Variants in KDM4C observed in about 807,000 individuals in gnomAD.
The protein encoded by KDM4C is lysine demethylase 4C, also known as lysine-specific demethylase 4C.
Under a neutral mutation model 129.3 loss-of-function variants are expected in KDM4C, and 81 were observed. That is an observed-to-expected ratio of 0.63 (90% CI 0.52 to 0.75). KDM4C has a LOEUF of 0.75. Among genes scored for constraint, KDM4C ranks in the 30% least tolerant of loss-of-function variants. The probability of loss-of-function intolerance (pLI) is 0.00; values close to 1 mark genes in which losing one functional copy is unlikely to be tolerated. For synonymous variants in KDM4C, 573 were observed against 456.1 expected, an observed-to-expected ratio of 1.26 and a Z score of -3.26; for missense variants, 1,457 against 1,304.0, an observed-to-expected ratio of 1.12 and a Z score of -1.81.
At chr9:7,014,959 A>ACC (rs1823397522) in intron 14 of KDM4C, among the ~76,000 whole-genome samples, 1 of 143,398 alleles carries the variant, frequency 7.0e-6, no homozygotes. Flanking sequence ...CACACCTTAC[A>ACC]TTATTATGTG....
At chr9:6,923,421 G>T (rs1422858083) in intron 8 of KDM4C, among the ~76,000 whole-genome samples, 1 of 152,032 alleles carries the variant, frequency 6.6e-6, no homozygotes, top group South Asian at 2.1e-4. Context: ...GCTATCTTAT[G>T]AGCGCAGCTT....
In KDM4C at chr9:6,748,523, A is replaced by AG. The variant is rs375273711; in HGVS notation, c.49+27526_49+27527insG. ...ACTCCGTCTCAGAAAAAAAAAAAAA[A>AG]AGATTTATTATTATTATTAGTATTA... On this transcript the variant is annotated intron_variant, in intron 1 of 17. Transcript: ENST00000536108. 2.4e-3 allele frequency among the ~76,000 whole-genome samples: 362 copies of AG among 151,104 alleles called. 2 individuals carry two copies. The highest frequency in any genetic ancestry group is 0.015 in the South Asian group (73 of 4,808).
intron 18 of KDM4C, among the ~76,000 whole-genome samples, chr9:7,127,192 C>T (rs927935346): frequency 2.0e-5 from 3 of 152,100 alleles, no homozygotes; most frequent in Non-Finnish European, 2.9e-5. Flanking sequence ...AGATTATGCA[C>T]AAAACTCAAC....
intron 1 of KDM4C, among the ~76,000 whole-genome samples, chr9:6,749,718 G>C (rs1818006664): frequency 6.6e-6 from 1 of 152,044 alleles, no homozygotes; most frequent in South Asian, 2.1e-4. Flanking sequence ...TGGGCGCAGT[G>C]GCTCATGCCT....
intron 1 of KDM4C, among the ~76,000 whole-genome samples, chr9:6,746,056 T>C (rs924815497): frequency 6.6e-6 from 1 of 152,008 alleles, no homozygotes; most frequent in Non-Finnish European, 1.5e-5. Context: ...TCCGCCTGCC[T>C]CAGCCTCCCA....
intron 17 of KDM4C, among the ~76,000 whole-genome samples, chr9:7,065,237 CCTT>C (rs1832261418): frequency 6.6e-6 from 1 of 151,972 alleles, no homozygotes; most frequent in African/African-American, 2.4e-5. Flanking sequence ...AATGAAACTT[CCTT>C]AAAACAAAAT....
chr9:7,107,500 C>G (rs1489169211), intron 18 of KDM4C, among the ~76,000 whole-genome samples: 1 of 152,164 alleles, frequency 6.6e-6, no homozygotes, highest in Non-Finnish European at 1.5e-5. Flanking sequence ...TGGCAAGTTA[C>G]TTAGTAAACT....
chr9:6,931,467 G>C (rs1350904006), intron 8 of KDM4C, among the ~76,000 whole-genome samples: 1 of 151,884 alleles, frequency 6.6e-6, no homozygotes, highest in Non-Finnish European at 1.5e-5. Flanking sequence ...GTTTTGTTGG[G>C]TCTGTGGATG....
chr9:6,864,663 T>A (rs549747755), intron 5 of KDM4C, among the ~76,000 whole-genome samples: 2 of 151,898 alleles, frequency 1.3e-5, no homozygotes, highest in East Asian at 3.9e-4. Context: ...ATTTTATTTA[T>A]TTATCTTTTT....
intron 13 of KDM4C, among the ~76,000 whole-genome samples, chr9:7,012,143 C>T (rs887106181): frequency 2.0e-5 from 3 of 152,148 alleles, no homozygotes; most frequent in South Asian, 4.1e-4. Flanking sequence ...ATCATGACTC[C>T]GTGCAGGCTT....
chr9:6,813,453 C>CATTATT (rs1363601464), intron 3 of KDM4C, among the ~76,000 whole-genome samples: 11 of 152,248 alleles, frequency 7.2e-5, no homozygotes, highest in African/African-American at 2.4e-4. Flanking sequence ...ACAGTTGTTC[C>CATTATT]ATTATTTGGT....
intron 3 of KDM4C, among the ~76,000 whole-genome samples, chr9:6,814,040 G>C (rs116692169): frequency 0.013 from 1,964 of 152,136 alleles, 52 homozygotes; most frequent in African/African-American, 0.044. Flanking sequence ...TCTACTTTTA[G>C]ATTTTGGGTC....
At chr9:7,058,515 G>C (rs1277462563) in intron 17 of KDM4C, among the ~76,000 whole-genome samples, 1 of 152,110 alleles carries the variant, frequency 6.6e-6, no homozygotes, top group African/African-American at 2.4e-5. Context: ...GTCGCTCTCA[G>C]GAGCTTGTAC....
intron 15 of KDM4C, among the ~76,000 whole-genome samples, chr9:7,017,239 A>T (rs1199388629): frequency 1.3e-5 from 2 of 152,126 alleles, no homozygotes; most frequent in Non-Finnish European, 2.9e-5. Flanking sequence ...GCCTGACATC[A>T]TATCTAACTT....
intron 8 of KDM4C, among the ~76,000 whole-genome samples, chr9:6,972,739 G>C (rs75785257): frequency 6.6e-6 from 1 of 152,170 alleles, no homozygotes; most frequent in Non-Finnish European, 1.5e-5. Context: ...TTGGATACCT[G>C]TTGGGTTTAA....
intron 5 of KDM4C, among the ~76,000 whole-genome samples, chr9:6,859,257 C>T (rs1286761676): frequency 6.6e-6 from 1 of 151,950 alleles, no homozygotes; most frequent in Non-Finnish European, 1.5e-5. Flanking sequence ...GCAGGCAGAT[C>T]ACGAGGTCAA....
At chr9:6,774,032 C>T (rs916161963) in intron 1 of KDM4C, among the ~76,000 whole-genome samples, 49 of 151,978 alleles carry the variant, frequency 3.2e-4, no homozygotes, top group African/African-American at 1.1e-3. Context: ...GGACTACAGG[C>T]GCATGCCACT....
intron 5 of KDM4C, among the ~76,000 whole-genome samples, chr9:6,865,166 A>G (rs7045781): frequency 0.37 from 56,360 of 151,376 alleles, 10,929 homozygotes; most frequent in Middle Eastern, 0.5. Flanking sequence ...CCGCCACCAC[A>G]CCTGGCTAAT....
chr9:7,114,078 T>C (rs1838631403), intron 18 of KDM4C, among the ~76,000 whole-genome samples: 1 of 152,160 alleles, frequency 6.6e-6, no homozygotes, highest in Admixed American at 6.5e-5. Flanking sequence ...TTAAAACTGG[T>C]TTAATACCAG....
Sources: gnomAD v4.1 joint callset for allele counts (sites outside exome capture counted in the v4.1 genomes callset) on GRCh38, gnomAD v4.1.1 for gene constraint, MANE v1.5 for transcripts, NCBI Gene and HGNC (gene_info 2026-07-23, HGNC 2026-07-21) for gene names.